The following KCNH1 variants were observed in gnomAD, a reference collection of about 807,000 sequenced individuals.
KCNH1 encodes the protein potassium voltage-gated channel subfamily H member 1.
Under a neutral mutation model 69.2 loss-of-function variants are expected in KCNH1, and 27 were observed. The ratio of observed to expected loss-of-function variants is 0.39; its 90% CI spans 0.29 to 0.54. KCNH1 has a LOEUF of 0.54. Ranked by LOEUF, KCNH1 falls within the 20% of genes least tolerant of loss-of-function variation. The pLI, the probability that KCNH1 is intolerant of heterozygous loss-of-function variation, is 0.68. For missense variants in KCNH1, 798 were observed against 1,261.6 expected (o/e 0.63, Z 5.57); for synonymous variants, 456 against 487.7 (o/e 0.93, Z 0.86).
chr1:210,804,224 G>A (rs1448536261), intron 7 of KCNH1, 58 bp from the exon 8 acceptor site: 3 of 1,465,500 alleles, frequency 2.0e-6, no homozygotes, highest in Non-Finnish European at 2.8e-6. Context: ...CCCTGAGCCA[G>A]GGTTCCAGAA....
intron 6 of KCNH1, among the ~76,000 whole-genome samples, chr1:210,981,567 C>G (rs1190267782): frequency 3.9e-5 from 6 of 151,966 alleles, no homozygotes; most frequent in African/African-American, 1.4e-4. Context: ...CATTTGCTAG[C>G]TATAAATACT....
At chr1:210,792,378 C>T (rs1257911081) in intron 9 of KCNH1, among the ~76,000 whole-genome samples, 2 of 152,212 alleles carry the variant, frequency 1.3e-5, no homozygotes, top group Non-Finnish European at 2.9e-5. Flanking sequence ...CAAAGCCTAA[C>T]CTCTGCCTTC....
intron 7 of KCNH1, chr1:210,862,178 C>A (rs1685993750): frequency 1.5e-6 from 2 of 1,347,144 alleles, no homozygotes; most frequent in Admixed American, 3.4e-5. Flanking sequence ...AGCGTTGAGA[C>A]AAAATTCAGA....
intron 10 of KCNH1, among the ~76,000 whole-genome samples, chr1:210,691,158 G>A (rs77462898): frequency 6.6e-6 from 1 of 152,072 alleles, no homozygotes; most frequent in Non-Finnish European, 1.5e-5. Context: ...ACTCTTTGTG[G>A]GGGCTTGAGA....
intron 6 of KCNH1, among the ~76,000 whole-genome samples, chr1:210,963,573 C>A (rs1688339456): frequency 6.6e-6 from 1 of 151,888 alleles, no homozygotes; most frequent in Non-Finnish European, 1.5e-5. Context: ...CTAACTAGAA[C>A]AACCAGTTTA....
intron 10 of KCNH1, among the ~76,000 whole-genome samples, chr1:210,697,406 G>A (rs962967282): frequency 2.6e-5 from 4 of 152,230 alleles, no homozygotes; most frequent in African/African-American, 4.8e-5. Flanking sequence ...CCTCCTGCAG[G>A]GGGACTGGGC....
At chr1:210,871,435 C>A (rs1415895695) in intron 7 of KCNH1, among the ~76,000 whole-genome samples, 1 of 152,156 alleles carries the variant, frequency 6.6e-6, no homozygotes, top group Non-Finnish European at 1.5e-5. Flanking sequence ...GAAATAGGAA[C>A]ACTTTTACAC....
intron 5 of KCNH1, among the ~76,000 whole-genome samples, chr1:211,040,790 C>A (rs1025264318): frequency 2.0e-5 from 3 of 152,162 alleles, no homozygotes; most frequent in African/African-American, 7.2e-5. Flanking sequence ...ACTGAAAAAA[C>A]GGAACCAGAG....
At chr1:210,768,665 A>G (rs889299666) in intron 10 of KCNH1, among the ~76,000 whole-genome samples, 5 of 152,178 alleles carry the variant, frequency 3.3e-5, no homozygotes, top group Admixed American at 2.6e-4. Context: ...CAGCTAGCAA[A>G]TGGCAGAGCC....
chr1:210,947,230 A>T (rs1043816336), intron 6 of KCNH1, among the ~76,000 whole-genome samples: 2 of 151,988 alleles, frequency 1.3e-5, no homozygotes, highest in African/African-American at 4.8e-5. Flanking sequence ...ATCAATCCCT[A>T]CCCCATTCAT....
At chr1:210,934,473 T>C (rs748025071) in intron 6 of KCNH1, among the ~76,000 whole-genome samples, 2 of 152,094 alleles carry the variant, frequency 1.3e-5, no homozygotes, top group Non-Finnish European at 2.9e-5. Context: ...GCCAATATGA[T>C]ACCAAAAATA....
At chr1:211,090,774 T>A in intron 3 of KCNH1, 84 bp from the exon 4 acceptor site, 1 of 1,191,136 alleles carries the variant, frequency 8.4e-7, no homozygotes, top group African/African-American at 1.6e-5. Flanking sequence ...AATGAATAGG[T>A]ACAAATATTA....
At chr1:210,725,710 C>T (rs891026916) in intron 10 of KCNH1, among the ~76,000 whole-genome samples, 4 of 152,174 alleles carry the variant, frequency 2.6e-5, no homozygotes, top group African/African-American at 9.7e-5. Context: ...CAAGGCTCTT[C>T]AGAAAATGGC....
chr1:211,128,854 A>G (rs1481331796), intron 1 of KCNH1, among the ~76,000 whole-genome samples: 1 of 152,220 alleles, frequency 6.6e-6, no homozygotes, highest in African/African-American at 2.4e-5. Flanking sequence ...TTTTGGTAAG[A>G]CCAAATGACA....
chr1:211,075,348 T>C (rs1446178064), intron 5 of KCNH1, among the ~76,000 whole-genome samples: 1 of 152,218 alleles, frequency 6.6e-6, no homozygotes, highest in East Asian at 1.9e-4. Flanking sequence ...GCTAACTCAT[T>C]TGACATTACT....
At chr1:211,019,321 C>T in intron 5 of KCNH1, 65 bp from the exon 6 acceptor site, 2 of 1,023,070 alleles carry the variant, frequency 2.0e-6, no homozygotes, top group Non-Finnish European at 2.9e-6. Context: ...TCTAACCAGT[C>T]AGCATCAGTG....
At chr1:211,066,983 C>T (rs1690541882) in intron 5 of KCNH1, among the ~76,000 whole-genome samples, 1 of 149,732 alleles carries the variant, frequency 6.7e-6, no homozygotes, top group Non-Finnish European at 1.5e-5. Context: ...CAGATTACAT[C>T]TTGACCTGGC....
intron 7 of KCNH1, among the ~76,000 whole-genome samples, chr1:210,845,756 G>A (rs899066631): frequency 1.3e-5 from 2 of 152,012 alleles, no homozygotes; most frequent in Non-Finnish European, 2.9e-5. Flanking sequence ...AGGAAATAAA[G>A]GGTATTCAAT....
chr1:210,760,255 T>C (rs144041971), intron 10 of KCNH1, among the ~76,000 whole-genome samples: 6 of 152,194 alleles, frequency 3.9e-5, no homozygotes, highest in Non-Finnish European at 8.8e-5. Flanking sequence ...GGCAGCTAGA[T>C]AAAAAGGATC....
Sources: allele counts gnomAD v4.1 joint callset (sites outside exome capture counted in the v4.1 genomes callset), GRCh38; gene constraint gnomAD v4.1.1; transcripts MANE v1.5; gene names NCBI Gene and HGNC (gene_info 2026-07-23, HGNC 2026-07-21).